HECTD2: variants seen among roughly 807,000 people sequenced by gnomAD.
The protein encoded by HECTD2 is HECT domain E3 ubiquitin protein ligase 2.
In HECTD2, 35 loss-of-function variants were observed where a neutral mutation model predicts 103.2. That is an observed-to-expected ratio of 0.34 (90% CI 0.26 to 0.45). The LOEUF is 0.45. HECTD2 is among the 20% of genes least tolerant of loss of function. The pLI, the probability that HECTD2 is intolerant of heterozygous loss-of-function variation, is 1.00. For synonymous variants in HECTD2, 281 were observed against 329.9 expected, an observed-to-expected ratio of 0.85 and a Z score of 1.61; for missense variants, 596 against 937.4, an observed-to-expected ratio of 0.64 and a Z score of 4.76.
intron 2 of HECTD2, among the ~76,000 whole-genome samples, chr10:91,430,822 A>G (rs1042860319): frequency 1.3e-4 from 19 of 151,030 alleles, no homozygotes; most frequent in Admixed American, 1.1e-3. Context: ...ATGGGTCTTG[A>G]CTCTTTATCC....
At chr10:91,468,490 G>A (rs750249477) in intron 5 of HECTD2, among the ~76,000 whole-genome samples, 17 of 152,042 alleles carry the variant, frequency 1.1e-4, no homozygotes, top group South Asian at 4.2e-4. Context: ...CAAGAACTCC[G>A]GCAACTCAAA....
intron 1 of HECTD2, among the ~76,000 whole-genome samples, chr10:91,412,046 A>G (rs780516975): frequency 6.6e-6 from 1 of 152,228 alleles, no homozygotes; most frequent in Non-Finnish European, 1.5e-5. Context: ...GCAAGTGTGG[A>G]TACAAGTCTA....
chr10:91,446,148 C>T (rs1039421669), intron 2 of HECTD2, among the ~76,000 whole-genome samples: 1 of 151,774 alleles, frequency 6.6e-6, no homozygotes, highest in Non-Finnish European at 1.5e-5. Context: ...CTGGCAGGTG[C>T]CCCTCTGGGA....
chr10:91,480,600 A>C (rs1006475599), intron 6 of HECTD2, among the ~76,000 whole-genome samples: 6 of 152,112 alleles, frequency 3.9e-5, no homozygotes, highest in Non-Finnish European at 5.9e-5. Context: ...ATTCATATTA[A>C]GATGGAAAAA....
At chr10:91,497,126 ATTTTTTTTTTT>A (rs56923120) in intron 15 of HECTD2, among the ~76,000 whole-genome samples, 1 of 97,370 alleles carries the variant, frequency 1.0e-5, no homozygotes, top group Non-Finnish European at 1.9e-5. Context: ...TGCCCGGCAA[ATTTTTTTTTTT>A]TTTTTTTTTT....
At position 91,410,452 on chromosome 10, in the gene HECTD2, T is replaced by C. The variant is rs1439225148; in HGVS notation, c.14T>C (p.Val5Ala). MSEA[V>A]RVPSPATPLV... is the part of the protein sequence containing the mutation. The stretch of plus-strand genomic sequence containing the variant: ...GCCCGGCCCGACATGAGTGAGGCGG[T>C]TCGGGTACCCTCGCCCGCCACTCCG... Residue 5 changes from valine to alanine, a missense_variant, in exon 1 of 21, where the codon GTT becomes GCT. This residue lies in a region of HECTD2 where 220 missense variants were observed against 233.9 expected (regional missense o/e 0.94). Transcript: ENST00000298068. 6.9e-7 allele frequency: 1 copy of C among 1,454,016 alleles called. No individual in the cohort carries two copies. Among genetic ancestry groups the C allele is most frequent in the Admixed American group, 2.5e-5 (1 of 40,388 alleles). The allele number at this position is 1,454,016 out of a possible 1,614,324, so 90.1% of individuals were successfully genotyped here.
At chr10:91,411,356 A>T (rs555375146) in intron 1 of HECTD2, among the ~76,000 whole-genome samples, 20 of 151,612 alleles carry the variant, frequency 1.3e-4, no homozygotes, top group East Asian at 7.7e-4. Flanking sequence ...AGCACAATTT[A>T]AAAAAAAACC....
chr10:91,479,231 A>G (rs1022215124), intron 6 of HECTD2, among the ~76,000 whole-genome samples: 3 of 152,180 alleles, frequency 2.0e-5, no homozygotes, highest in African/African-American at 7.2e-5. Flanking sequence ...TTCACTTTTT[A>G]TATAGCACAT....
chr10:91,507,674 AT>A (rs1464918753), intron 20 of HECTD2, among the ~76,000 whole-genome samples: 12 of 146,182 alleles, frequency 8.2e-5, no homozygotes, highest in African/African-American at 2.4e-4. Flanking sequence ...AAGAATCAAT[AT>A]CGTGAAAATG....
intron 2 of HECTD2, among the ~76,000 whole-genome samples, chr10:91,438,146 A>G (rs777744786): frequency 1.3e-5 from 2 of 151,372 alleles, no homozygotes; most frequent in South Asian, 2.1e-4. Flanking sequence ...AGTTTGTTTC[A>G]TAGGTATACA....
chr10:91,414,821 T>G (rs547116901), intron 1 of HECTD2, among the ~76,000 whole-genome samples: 1 of 152,078 alleles, frequency 6.6e-6, no homozygotes, highest in South Asian at 2.1e-4. Flanking sequence ...TGGGAACTTG[T>G]GGGAGGTGAG....
At chr10:91,476,155 C>T (rs780600589) in intron 5 of HECTD2, among the ~76,000 whole-genome samples, 5 of 152,102 alleles carry the variant, frequency 3.3e-5, no homozygotes, top group South Asian at 4.1e-4. Context: ...ACGGATGATA[C>T]AGGAGAGATA....
chr10:91,443,581 G>A (rs1377233637), intron 2 of HECTD2, among the ~76,000 whole-genome samples: 5 of 152,188 alleles, frequency 3.3e-5, no homozygotes, highest in Non-Finnish European at 7.4e-5. Context: ...TGAGGAGGCA[G>A]TCTGTCCCTT....
chr10:91,500,665 C>T, intron 19 of HECTD2, 48 bp downstream of exon 19: 1 of 886,252 alleles, frequency 1.1e-6, no homozygotes, highest in Non-Finnish European at 1.9e-6. Flanking sequence ...GAGGGAACAG[C>T]AGACAGTGTG....
At chr10:91,486,556 C>T (rs929518667) in intron 10 of HECTD2, 3 of 152,138 alleles carry the variant, frequency 2.0e-5, no homozygotes, top group African/African-American at 7.2e-5. Flanking sequence ...TAGAGGGGAA[C>T]AGGAGCCCTA....
chr10:91,509,078 A>T (rs963949112), intron 20 of HECTD2, among the ~76,000 whole-genome samples: 1 of 139,730 alleles, frequency 7.2e-6, no homozygotes, highest in Admixed American at 8.2e-5. Flanking sequence ...GAACAGTGAG[A>T]TCACATGGAC....
chr10:91,501,091 A>G lies in HECTD2; in HGVS notation c.2067-100A>G, dbSNP rs146304491. ...TTTACAGAAATTCAGGATATTATGT[A>G]TGCTTAAGGAAAGTCCTTTCCTTAG... On this transcript the variant is annotated intron_variant, in intron 19 of 20. Coordinates refer to ENST00000298068, the MANE Select transcript of HECTD2 (RefSeq NM_182765.6). 230 of 950,426 alleles carry G rather than the reference A, an allele frequency of 2.4e-4. No homozygotes were observed. The East Asian group carries it at 5.3e-3, about 22-fold the overall frequency. The allele number at this position is 950,426 out of a possible 1,614,324, so 58.9% of individuals were successfully genotyped here.
chr10:91,463,924 A>G (rs892975623), intron 5 of HECTD2, among the ~76,000 whole-genome samples: 4 of 152,158 alleles, frequency 2.6e-5, no homozygotes, highest in Admixed American at 6.5e-5. Flanking sequence ...GTAACCCAAC[A>G]ATTCCATTCC....
chr10:91,412,353 GAGA>G (rs746416336), intron 1 of HECTD2, among the ~76,000 whole-genome samples: 3 of 151,912 alleles, frequency 2.0e-5, no homozygotes, highest in Non-Finnish European at 4.4e-5. Context: ...ACTAGACAAA[GAGA>G]AGAATATATT....
Sources: gnomAD v4.1 joint callset for allele counts (sites outside exome capture counted in the v4.1 genomes callset) on GRCh38, gnomAD v4.1.1 for gene constraint, gnomAD v4.1.1 regional missense constraint, MANE v1.5 for transcripts, NCBI Gene and HGNC (gene_info 2026-07-23, HGNC 2026-07-21) for gene names.